TCEA3: variants seen among roughly 807,000 people sequenced by gnomAD.
TCEA3 encodes the protein transcription elongation factor A protein 3.
Under a neutral mutation model 44.0 loss-of-function variants are expected in TCEA3, and 36 were observed. The observed-to-expected ratio is 0.82, with a 90% CI of 0.63 to 1.08. TCEA3 has a LOEUF of 1.08. TCEA3 is among the 50% of genes least tolerant of loss of function. TCEA3 has a pLI of 0.00. For synonymous variants in TCEA3, 162 were observed against 159.7 expected, an observed-to-expected ratio of 1.01 and a Z score of -0.11; for missense variants, 392 against 441.2, an observed-to-expected ratio of 0.89 and a Z score of 1.00.
Position 23,404,104 on chromosome 1 carries a change from C to T in TCEA3, c.443+4560G>A, listed in dbSNP as rs778464918. Reference sequence around the variant, plus strand: ...AGTAGAGGCATCTGGAGGCCGGGCCCGCTGCTTCTGTGCGCCACCTCGAGG... The same window carrying T: ...AGTAGAGGCATCTGGAGGCCGGGCCTGCTGCTTCTGTGCGCCACCTCGAGG... On this transcript the variant is annotated intron_variant, in intron 5 of 10. Coordinates refer to ENST00000450454, the MANE Select transcript of TCEA3 (RefSeq NM_003196.3). 3.8e-5 allele frequency: 27 copies of T among 702,188 alleles called. No individual in the cohort carries two copies. The South Asian group carries it at 3.8e-4, about 10-fold the overall frequency. 43.5% of individuals were successfully genotyped at this position (702,188 alleles called of 1,614,324 possible).
chr1:23,401,243 C>T (rs79874555), intron 5 of TCEA3, among the ~76,000 whole-genome samples: 3,834 of 152,292 alleles, frequency 0.025, 149 homozygotes, highest in African/African-American at 0.087. Flanking sequence ...CTCAAAAGTG[C>T]CTCCATGCAT....
chr1:23,393,364 T>C (rs1174951103), intron 8 of TCEA3, among the ~76,000 whole-genome samples: 2 of 151,660 alleles, frequency 1.3e-5, no homozygotes, highest in Non-Finnish European at 2.9e-5. Flanking sequence ...ACATGCTCCA[T>C]ACATACACAC....
rs542988444 is a variant in TCEA3, at chr1:23,421,525, A to G, written c.70-2386T>C. On this transcript the variant is annotated intron_variant, in intron 1 of 10. Transcript: ENST00000450454. ...AAGGAAAAAAAAAAAACTGACCTGTAGTGTTTGCCAATTTCTGTGGTGTAA... is the reference window on the plus strand; with the variant it reads ...AAGGAAAAAAAAAAAACTGACCTGTGGTGTTTGCCAATTTCTGTGGTGTAA... Among the ~76,000 whole-genome samples the G allele has an allele frequency of 4.0e-5, 6 of 151,804 alleles. No homozygotes were observed. In the East Asian group the frequency reaches 9.7e-4, roughly 24 times the overall value.
chr1:23,387,286 C>T lies in TCEA3; in HGVS notation c.953G>A (p.Cys318Tyr), dbSNP rs748186244. 78 of 1,613,782 alleles carry T rather than the reference C, an allele frequency of 4.8e-5. No homozygotes were observed. Among genetic ancestry groups the T allele is most frequent in the Non-Finnish European group, 5.9e-5 (70 of 1,179,878 alleles). The change falls in exon 9 of 11, where the codon TGC becomes TAC. Residue 318 changes from cysteine to tyrosine, a missense_variant. By Grantham distance (194) the Cys-to-Tyr change is radical. Transcript: ENST00000450454. The part of the protein sequence containing the change: ...FQCSKCKKKN[C>Y]TYNQVQTRSA... ...CACTGTCCTTACCTGGTTATAGGTGCAGTTCTTCTTCTTGCATTTGCTGCA... is the reference window on the plus strand; with the variant it reads ...CACTGTCCTTACCTGGTTATAGGTGTAGTTCTTCTTCTTGCATTTGCTGCA...
chr1:23,411,158 TTTTA>T, intron 4 of TCEA3: 1 of 157,508 alleles, frequency 6.3e-6, no homozygotes, highest in Non-Finnish European at 1.4e-5. Context: ...TTATGTTTAT[TTTTA>T]TTTATTTATT....
At chr1:23,418,170 G>C in intron 2 of TCEA3, 161 bp from the exon 3 acceptor site, 1 of 660,316 alleles carries the variant, frequency 1.5e-6, no homozygotes, top group Non-Finnish European at 2.7e-6. Flanking sequence ...CCCCACTACT[G>C]TAACTAAGGC....
intron 7 of TCEA3, among the ~76,000 whole-genome samples, chr1:23,395,740 A>G (rs1639197597): frequency 6.6e-6 from 1 of 151,900 alleles, no homozygotes; most frequent in African/African-American, 2.4e-5. Context: ...AGGCAGCAGA[A>G]TCACTTGAAC....
At chr1:23,408,510 A>G in intron 5 of TCEA3, 154 bp downstream of exon 5, 2 of 720,020 alleles carry the variant, frequency 2.8e-6, no homozygotes, top group Non-Finnish European at 2.3e-6. Flanking sequence ...GAAATGTGGA[A>G]AGACTGTGTG....
chr1:23,395,795 T>C (rs10917377), intron 7 of TCEA3, among the ~76,000 whole-genome samples: 9,118 of 143,988 alleles, frequency 0.063, 942 homozygotes, highest in African/African-American at 0.22. Context: ...GCCACTGCAC[T>C]CCAGCCTGGG....
At chr1:23,406,568 G>C (rs1639550448) in intron 5 of TCEA3, among the ~76,000 whole-genome samples, 1 of 152,174 alleles carries the variant, frequency 6.6e-6, no homozygotes, top group South Asian at 2.1e-4. Flanking sequence ...TCTTTCCTTG[G>C]TGCCCTCATC....
chr1:23,395,827 C>CA (rs576778891), intron 7 of TCEA3, among the ~76,000 whole-genome samples: 3,863 of 90,660 alleles, frequency 0.043, 136 homozygotes, highest in African/African-American at 0.1. Flanking sequence ...GATTCCATCT[C>CA]AAAAAAAAAA....
chr1:23,415,212 G>A lies in TCEA3; in HGVS notation c.380+2037C>T, dbSNP rs146723620. On this transcript the variant is annotated intron_variant, in intron 4 of 10. Coordinates refer to ENST00000450454, the MANE Select transcript of TCEA3 (RefSeq NM_003196.3). ...TAATTTTTGTATTTTTAGTAGAGAC[G>A]GGGTTTCACCATCTTGGCCAGGCTG... 8.5e-3 allele frequency among the ~76,000 whole-genome samples: 1,281 copies of A among 151,572 alleles called. 19 individuals carry two copies. Among genetic ancestry groups the A allele is most frequent in the African/African-American group, 0.029 (1,213 of 41,304 alleles).
intron 8 of TCEA3, among the ~76,000 whole-genome samples, chr1:23,390,474 A>C (rs1417200174): frequency 6.6e-6 from 1 of 152,128 alleles, no homozygotes; most frequent in African/African-American, 2.4e-5. Flanking sequence ...GCCAGACTCC[A>C]TCTCAAAAGA....
At chr1:23,392,879 G>C (rs1639104322) in intron 8 of TCEA3, among the ~76,000 whole-genome samples, 1 of 152,122 alleles carries the variant, frequency 6.6e-6, no homozygotes, top group Non-Finnish European at 1.5e-5. Context: ...TTTTTCCATG[G>C]ACAGGGTGGG....
Position 23,401,536 on chromosome 1 carries a change from G to A in TCEA3, c.444-3581C>T, listed in dbSNP as rs541276629. Among the ~76,000 whole-genome samples, 5 of 152,118 alleles carry A rather than the reference G, an allele frequency of 3.3e-5. No homozygotes were observed. The South Asian group carries it at 6.2e-4, about 19-fold the overall frequency. On this transcript the variant is annotated intron_variant, in intron 5 of 10. Transcript: ENST00000450454. ...GTTTGGGTGAGGAAAGGCTGGACAG[G>A]GCGTGAACTCGCGGGGCTGTTGGCA...
In TCEA3 at chr1:23,381,146, G is replaced by T. The variant is rs1372943798; in HGVS notation, c.*320C>A. On this transcript the variant is annotated 3_prime_UTR_variant, in exon 11 of 11. Transcript: ENST00000450454. The stretch of plus-strand genomic sequence containing the variant: ...CCTGGGCTGGACTCAAACTTCTGGG[G>T]TTAAGCGATTCTCCCACCTCAGCCT... The T allele has an allele frequency of 8.9e-6, 3 of 335,622 alleles. No homozygotes were observed. The highest frequency in any genetic ancestry group is 1.6e-5 in the Non-Finnish European group (3 of 183,240). The allele number at this position is 335,622 out of a possible 1,614,324, so 20.8% of individuals were successfully genotyped here.
chr1:23,389,561 A>T (rs967011108), intron 8 of TCEA3, among the ~76,000 whole-genome samples: 1 of 151,172 alleles, frequency 6.6e-6, no homozygotes, highest in African/African-American at 2.4e-5. Context: ...GAGGCAGGAG[A>T]ATCGCTTGAA....
At chr1:23,389,864 C>T (rs1032514591) in intron 8 of TCEA3, among the ~76,000 whole-genome samples, 1 of 152,186 alleles carries the variant, frequency 6.6e-6, no homozygotes, top group African/African-American at 2.4e-5. Flanking sequence ...GGAAGAGCTA[C>T]ACATCACCAG....
At chr1:23,412,078 T>TATGG (rs1639725754) in intron 4 of TCEA3, 1 of 152,212 alleles carries the variant, frequency 6.6e-6, no homozygotes, top group South Asian at 2.1e-4. Flanking sequence ...TATTGGTCTC[T>TATGG]CTGGTCCTCA....
Sources: gnomAD v4.1 joint callset for allele counts (sites outside exome capture counted in the v4.1 genomes callset) on GRCh38, gnomAD v4.1.1 for gene constraint, MANE v1.5 for transcripts, NCBI Gene and HGNC (gene_info 2026-07-23, HGNC 2026-07-21) for gene names.